Variants in SPTBN4 observed in about 807,000 individuals in gnomAD.
SPTBN4 encodes the protein spectrin beta, non-erythrocytic 4, also known as spectrin beta chain, non-erythrocytic 4.
Under a neutral mutation model 277.8 loss-of-function variants are expected in SPTBN4, and 96 were observed. That is an observed-to-expected ratio of 0.35 (90% CI 0.29 to 0.41). SPTBN4 has a LOEUF of 0.41. Among genes scored for constraint, SPTBN4 ranks in the 10% least tolerant of loss-of-function variants. The pLI, the probability that SPTBN4 is intolerant of heterozygous loss-of-function variation, is 1.00. For synonymous variants in SPTBN4, 1,481 were observed against 1,580.3 expected (o/e 0.94, Z 1.49); for missense variants, 3,006 against 3,595.7 (o/e 0.84, Z 4.19).
At chr19:40,512,490 G>T (rs989766173) in intron 13 of SPTBN4, 116 bp from the exon 14 acceptor site, 12 of 1,320,842 alleles carry the variant, frequency 9.1e-6, no homozygotes, top group Non-Finnish European at 1.2e-5. Context: ...GAGGAGCCAC[G>T]TGACCCGGCA....
chr19:40,575,590 A>G lies in SPTBN4; in HGVS notation c.*21A>G. On this transcript the variant is annotated 3_prime_UTR_variant, in exon 36 of 36. Transcript: ENST00000598249. ...AGTGACTTCCCACCCCCAGGACCTGACACATCTCGTCTCCCCTCTTTTCCG... is the reference window on the plus strand; with the variant it reads ...AGTGACTTCCCACCCCCAGGACCTGGCACATCTCGTCTCCCCTCTTTTCCG... The G allele has an allele frequency of 1.9e-6, 3 of 1,599,348 alleles. No homozygotes were observed.
In SPTBN4 at chr19:40,558,620, A is replaced by G. The variant is rs529710076; in HGVS notation, c.5670+1217A>G. On this transcript the variant is annotated intron_variant, in intron 26 of 35. Coordinates refer to ENST00000598249, the MANE Select transcript of SPTBN4 (RefSeq NM_020971.3). ...GCAATTTTTGTTTGTTTGTTTGTTT[A>G]TTTTTGAGACAGGGTCTCACTCTGT... 9.3e-5 allele frequency among the ~76,000 whole-genome samples: 14 copies of G among 151,296 alleles called. No individual in the cohort carries two copies. The East Asian group carries it at 2.4e-3, about 25-fold the overall frequency.
intron 22 of SPTBN4, among the ~76,000 whole-genome samples, chr19:40,551,001 G>A (rs952090388): frequency 2.0e-5 from 3 of 152,114 alleles, no homozygotes; most frequent in South Asian, 2.1e-4. Context: ...GGCATCCCAC[G>A]CCCATCCCTG....
chr19:40,481,621 G>T (rs544441518), intron 2 of SPTBN4, among the ~76,000 whole-genome samples: 2 of 151,934 alleles, frequency 1.3e-5, no homozygotes. Context: ...GATTACAGGC[G>T]CACACCACCA....
At position 40,560,043 on chromosome 19, in the gene SPTBN4, G is replaced by A; in HGVS notation, c.5671-116G>A. 2 of 1,435,038 alleles carry A rather than the reference G, an allele frequency of 1.4e-6. No homozygotes were observed. Among genetic ancestry groups the A allele is most frequent in the Non-Finnish European group, 1.8e-6 (2 of 1,098,526 alleles). 88.9% of individuals were successfully genotyped at this position (1,435,038 alleles called of 1,614,324 possible). ...CAGATATGACAGGAGCCTGGCTGTGGGATCACAGTGTGAGGCTCCTTATAT... is the reference window on the plus strand; with the variant it reads ...CAGATATGACAGGAGCCTGGCTGTGAGATCACAGTGTGAGGCTCCTTATAT... On this transcript the variant is annotated intron_variant, in intron 26 of 35. Coordinates refer to ENST00000598249, the MANE Select transcript of SPTBN4 (RefSeq NM_020971.3). This position sits in a 1 kb window ranked among gnomAD's most constrained non-coding sequence, Gnocchi z 5.2.
At chr19:40,468,091 T>TG (rs1367984314) in intron 1 of SPTBN4, among the ~76,000 whole-genome samples, 3 of 151,874 alleles carry the variant, frequency 2.0e-5, no homozygotes, top group Non-Finnish European at 4.4e-5. Context: ...TTTTTTTTTT[T>TG]TTTGAGACGG....
At chr19:40,558,414 A>G (rs1439974550) in intron 26 of SPTBN4, among the ~76,000 whole-genome samples, 1 of 151,954 alleles carries the variant, frequency 6.6e-6, no homozygotes, top group Non-Finnish European at 1.5e-5. Flanking sequence ...GACTTTTCTG[A>G]AATTAATTTG....
At chr19:40,482,442 C>G (rs1378583858) in intron 2 of SPTBN4, among the ~76,000 whole-genome samples, 1 of 152,056 alleles carries the variant, frequency 6.6e-6, no homozygotes, top group East Asian at 1.9e-4. Context: ...CCCACCAAGA[C>G]CAGACGGGCT....
At chr19:40,540,623 G>A (rs1234617252) in intron 20 of SPTBN4, among the ~76,000 whole-genome samples, 1 of 151,742 alleles carries the variant, frequency 6.6e-6, no homozygotes, top group Non-Finnish European at 1.5e-5. Context: ...GTGAGGCCAA[G>A]GCAGGAGGAT....
chr19:40,529,613 T>G lies in SPTBN4; in HGVS notation c.3948+482T>G, dbSNP rs191001861. On this transcript the variant is annotated intron_variant, in intron 18 of 35. Transcript: ENST00000598249. ...TCCCTTAGGGATGATCTGCACACAT[T>G]AGGGACGATCTCCCCTAATCCGAGA... Among the ~76,000 whole-genome samples the G allele has an allele frequency of 2.1e-3, 318 of 152,194 alleles. 2 individuals are homozygous for G. Among genetic ancestry groups the G allele is most frequent in the African/African-American group, 7.2e-3 (299 of 41,528 alleles).
chr19:40,543,540 A>T (rs1355146954), intron 20 of SPTBN4, among the ~76,000 whole-genome samples: 1 of 152,116 alleles, frequency 6.6e-6, no homozygotes, highest in Non-Finnish European at 1.5e-5. Context: ...CAGAACTTTG[A>T]ATCAAGAAGT....
At chr19:40,528,957 AGCCCAGT>A in intron 17 of SPTBN4, 77 bp from the exon 18 acceptor site, 1 of 1,011,054 alleles carries the variant, frequency 9.9e-7, no homozygotes, top group Non-Finnish European at 1.6e-6. Context: ...TCCCCTACCC[AGCCCAGT>A]GCCCTCACAG....
At chr19:40,484,155 T>G (rs921193814) in intron 2 of SPTBN4, among the ~76,000 whole-genome samples, 7 of 152,238 alleles carry the variant, frequency 4.6e-5, no homozygotes, top group African/African-American at 1.4e-4. Context: ...TGATATCAAA[T>G]ACTAGATCTT....
In SPTBN4 at chr19:40,559,775, A is replaced by G. The variant is rs112613731; in HGVS notation, c.5671-384A>G. On this transcript the variant is annotated intron_variant, in intron 26 of 35. Coordinates refer to ENST00000598249, the MANE Select transcript of SPTBN4 (RefSeq NM_020971.3). ...CCGTCGTGTAGGAAACTGGGCTACT[A>G]TGAAGGAGTGGGTTTGAAATAAACT... 7.2e-5 allele frequency among the ~76,000 whole-genome samples: 11 copies of G among 152,018 alleles called. 1 individual carries two copies. Among genetic ancestry groups the G allele is most frequent in the African/African-American group, 2.7e-4 (11 of 41,466 alleles).
intron 12 of SPTBN4, among the ~76,000 whole-genome samples, chr19:40,504,484 T>G (rs1169921569): frequency 6.6e-6 from 1 of 152,024 alleles, no homozygotes; most frequent in East Asian, 1.9e-4. Context: ...CTGGCCAACA[T>G]GGTGAAACCC....
chr19:40,479,026 A>C (rs1486490064), intron 2 of SPTBN4, among the ~76,000 whole-genome samples: 1 of 152,164 alleles, frequency 6.6e-6, no homozygotes, highest in South Asian at 2.1e-4. Context: ...CTTGCCACTC[A>C]AAGTGCAAAT....
chr19:40,566,566 A>G (rs1377830935), intron 30 of SPTBN4, among the ~76,000 whole-genome samples: 2 of 151,980 alleles, frequency 1.3e-5, no homozygotes, highest in Admixed American at 6.6e-5. Flanking sequence ...TGATAGGGGA[A>G]GAACAAGCAG....
intron 32 of SPTBN4, 55 bp downstream of exon 32, chr19:40,569,781 G>C: frequency 6.5e-7 from 1 of 1,541,706 alleles, no homozygotes; most frequent in Non-Finnish European, 8.7e-7. Context: ...CAGAGCAGGA[G>C]GCAGGATCTC....
At chr19:40,480,321 G>A (rs2079997003) in intron 2 of SPTBN4, among the ~76,000 whole-genome samples, 1 of 151,764 alleles carries the variant, frequency 6.6e-6, no homozygotes, top group Non-Finnish European at 1.5e-5. Flanking sequence ...TCAAAAGACT[G>A]AGGTGGGAAG....
Sources: allele counts gnomAD v4.1 joint callset (sites outside exome capture counted in the v4.1 genomes callset), GRCh38; gene constraint gnomAD v4.1.1; non-coding constraint Gnocchi (gnomAD v3.1); transcripts MANE v1.5; gene names NCBI Gene and HGNC (gene_info 2026-07-23, HGNC 2026-07-21).